PINX1: variants seen among roughly 807,000 people sequenced by gnomAD.
PINX1 encodes PIN2 (TERF1) interacting telomerase inhibitor 1.
PINX1 carries 34 observed loss-of-function variants against 25.4 expected under a neutral mutation model. The observed-to-expected ratio is 1.34, with a 90% CI of 1.02 to 1.78. PINX1 has a LOEUF of 1.78. PINX1 is among the 40% of genes most tolerant of loss of function. The pLI, the probability that PINX1 is intolerant of heterozygous loss-of-function variation, is 0.00. For missense variants in PINX1, 592 were observed against 404.9 expected (o/e 1.46, Z -3.97); for synonymous variants, 197 against 147.7 (o/e 1.33, Z -2.42).
chr8:10,839,470 G>A (rs942359912), intron 1 of PINX1, among the ~76,000 whole-genome samples: 1 of 152,170 alleles, frequency 6.6e-6, no homozygotes, highest in Non-Finnish European at 1.5e-5. Context: ...CCGGTGTTCT[G>A]ACCCACTTCG....
In PINX1 at chr8:10,820,279, C is replaced by T. The variant is rs1391220427; in HGVS notation, c.395-10G>A. The T allele has an allele frequency of 6.3e-7, 1 of 1,586,556 alleles. No homozygotes were observed. The highest frequency in any genetic ancestry group is 1.7e-5 in the Admixed American group (1 of 59,824). ...GATGACAGATCCTTCCCTAGAAAAA[C>T]AATGTGATGCTTTTCAGTAAGACTG... On this transcript the variant is annotated splice_polypyrimidine_tract_variant and intron_variant, in intron 5 of 6. Transcript: ENST00000314787.
At chr8:10,830,368 G>A (rs1586208309) in intron 4 of PINX1, among the ~76,000 whole-genome samples, 1 of 152,312 alleles carries the variant, frequency 6.6e-6, no homozygotes, top group Middle Eastern at 3.4e-3. Flanking sequence ...ATGGTTAGAT[G>A]TGTGCTGTGA....
At chr8:10,837,826 G>T (rs1009776120) in intron 1 of PINX1, among the ~76,000 whole-genome samples, 2 of 152,232 alleles carry the variant, frequency 1.3e-5, no homozygotes, top group African/African-American at 4.8e-5. Context: ...AAATTCAGAG[G>T]TTGATCAGAA....
intron 6 of PINX1, among the ~76,000 whole-genome samples, chr8:10,769,524 G>T (rs912950383): frequency 6.6e-6 from 1 of 152,202 alleles, no homozygotes; most frequent in Non-Finnish European, 1.5e-5. Context: ...CAGGCCCATG[G>T]GATCACCCTG....
At chr8:10,781,494 T>G (rs1424904035) in intron 6 of PINX1, among the ~76,000 whole-genome samples, 1 of 152,074 alleles carries the variant, frequency 6.6e-6, no homozygotes, top group Non-Finnish European at 1.5e-5. Context: ...CTCAAGCAAC[T>G]CAGTAGCAAG....
At chr8:10,822,539 C>T (rs568836042) in intron 5 of PINX1, among the ~76,000 whole-genome samples, 1 of 152,272 alleles carries the variant, frequency 6.6e-6, no homozygotes, top group South Asian at 2.1e-4. Flanking sequence ...CAAGGAAGAA[C>T]ACTCTATTTA....
At chr8:10,779,247 T>G (rs1029628859) in intron 6 of PINX1, among the ~76,000 whole-genome samples, 14 of 152,132 alleles carry the variant, frequency 9.2e-5, no homozygotes, top group African/African-American at 3.4e-4. Flanking sequence ...GGGCGTCAGG[T>G]TCCACTTAAA....
chr8:10,793,265 A>T (rs1403319199), intron 6 of PINX1, among the ~76,000 whole-genome samples: 1 of 152,198 alleles, frequency 6.6e-6, no homozygotes, highest in Non-Finnish European at 1.5e-5. Context: ...TAACTGGTCT[A>T]CAAACCAAAT....
chr8:10,773,203 A>G (rs1801284706), intron 6 of PINX1, among the ~76,000 whole-genome samples: 1 of 152,220 alleles, frequency 6.6e-6, no homozygotes, highest in Admixed American at 6.5e-5. Context: ...TTTCCAGTGC[A>G]CACACACAAT....
chr8:10,791,762 G>T (rs1302837284), intron 6 of PINX1, among the ~76,000 whole-genome samples: 1 of 152,192 alleles, frequency 6.6e-6, no homozygotes, highest in African/African-American at 2.4e-5. Flanking sequence ...AACCCTGGAA[G>T]AGACGCCAGG....
chr8:10,799,814 G>C (rs556707490), intron 6 of PINX1, among the ~76,000 whole-genome samples: 1 of 152,320 alleles, frequency 6.6e-6, no homozygotes, highest in South Asian at 2.1e-4. Context: ...CATGGATGCT[G>C]GGAATTTTAC....
At chr8:10,798,189 G>A (rs1249870577) in intron 6 of PINX1, among the ~76,000 whole-genome samples, 1 of 152,164 alleles carries the variant, frequency 6.6e-6, no homozygotes, top group Non-Finnish European at 1.5e-5. Flanking sequence ...AAACTTAACT[G>A]CATTTCTTTT....
chr8:10,766,660 T>C (rs1256923529), intron 6 of PINX1, among the ~76,000 whole-genome samples: 2 of 152,176 alleles, frequency 1.3e-5, no homozygotes, highest in Non-Finnish European at 2.9e-5. Context: ...CTCGGGACTG[T>C]GTTTGGGCTG....
At chr8:10,767,460 G>A (rs936244827) in intron 6 of PINX1, among the ~76,000 whole-genome samples, 1 of 152,074 alleles carries the variant, frequency 6.6e-6, no homozygotes, top group Non-Finnish European at 1.5e-5. Flanking sequence ...GGCAGAACAT[G>A]AAGAATAAAT....
chr8:10,783,093 A>T (rs1390673851), intron 6 of PINX1, among the ~76,000 whole-genome samples: 3 of 152,196 alleles, frequency 2.0e-5, no homozygotes, highest in Non-Finnish European at 4.4e-5. Flanking sequence ...TATATCAACC[A>T]ATTGTTACGT....
At chr8:10,786,090 T>C (rs909273472) in intron 6 of PINX1, among the ~76,000 whole-genome samples, 1 of 152,232 alleles carries the variant, frequency 6.6e-6, no homozygotes, top group African/African-American at 2.4e-5. Flanking sequence ...ACTAGTGCCT[T>C]TGGTTTATAA....
intron 6 of PINX1, chr8:10,787,749 G>T (rs1801797222): frequency 6.6e-6 from 3 of 453,884 alleles, no homozygotes; most frequent in East Asian, 7.0e-5. Context: ...AAAGCCCACT[G>T]GGAAGGTGAA....
At chr8:10,832,681 G>C (rs1029271196) in intron 3 of PINX1, among the ~76,000 whole-genome samples, 1 of 152,174 alleles carries the variant, frequency 6.6e-6, no homozygotes, top group Non-Finnish European at 1.5e-5. Flanking sequence ...CTTTCCAAAA[G>C]GGAACAATGA....
At chr8:10,768,829 C>A (rs1361637927) in intron 6 of PINX1, among the ~76,000 whole-genome samples, 1 of 152,194 alleles carries the variant, frequency 6.6e-6, no homozygotes, top group Non-Finnish European at 1.5e-5. Flanking sequence ...ACCATGGCAT[C>A]ACATAAAAAT....
Sources: gnomAD v4.1 joint callset for allele counts (sites outside exome capture counted in the v4.1 genomes callset) on GRCh38, gnomAD v4.1.1 for gene constraint, MANE v1.5 for transcripts, NCBI Gene and HGNC (gene_info 2026-07-23, HGNC 2026-07-21) for gene names.